The following C19orf18 variants were observed in gnomAD, a reference collection of about 807,000 sequenced individuals.
C19orf18 encodes the protein uncharacterized protein C19orf18.
A neutral mutation model predicts 23.3 loss-of-function variants in C19orf18; 21 were observed. The ratio of observed to expected loss-of-function variants is 0.90; its 90% confidence interval spans 0.64 to 1.30. The LOEUF is 1.30. Among genes scored for constraint, C19orf18 ranks in the 50% most tolerant of loss-of-function variants. C19orf18 has a pLI of 0.00. For synonymous variants in C19orf18, 96 were observed against 95.2 expected, an observed-to-expected ratio of 1.01 and a Z score of -0.05; for missense variants, 249 against 259.6, an observed-to-expected ratio of 0.96 and a Z score of 0.28.
At chr19:57,964,530 C>T (rs2072895479) in intron 4 of C19orf18, among the ~76,000 whole-genome samples, 1 of 152,222 alleles carries the variant, frequency 6.6e-6, no homozygotes, top group Non-Finnish European at 1.5e-5. Flanking sequence ...GATCCACCCG[C>T]CTCGGCCTCC....
chr19:57,972,895 G>A (rs2072954605), intron 2 of C19orf18, among the ~76,000 whole-genome samples: 1 of 152,106 alleles, frequency 6.6e-6, no homozygotes, highest in Non-Finnish European at 1.5e-5. Context: ...GGGCACAGTG[G>A]CTCATGCCTG....
At chr19:57,959,794 CAAAAA>C (rs35485603) in intron 5 of C19orf18, among the ~76,000 whole-genome samples, 2 of 99,298 alleles carry the variant, frequency 2.0e-5, no homozygotes, top group Non-Finnish European at 2.0e-5. Flanking sequence ...AACTCTGCCT[CAAAAA>C]AAAAAAAAAA....
rs1359294239 is a variant in C19orf18, at chr19:57,974,402, A to G, written c.31T>C (p.Leu11=). 6.2e-7 allele frequency: 1 copy of G among 1,614,106 alleles called. No individual in the cohort carries two copies. The highest frequency in any genetic ancestry group is 8.5e-7 in the Non-Finnish European group (1 of 1,179,994). Residue 11 remains leucine (L), a synonymous_variant, in exon 1 of 6, where the codon TTG becomes CTG. Coordinates refer to ENST00000314391, the MANE Select transcript of C19orf18 (RefSeq NM_152474.5). MDKVQSGFLI[L]FLFLMECQLH... ...TGGCATTCCATTAAAAACAAAAACA[A>G]AATGAGGAAACCACTCTGAACCTTG...
In C19orf18 at chr19:57,969,506, G is replaced by A. The variant is rs563078683; in HGVS notation, c.269-2874C>T. Among the ~76,000 whole-genome samples the A allele has an allele frequency of 2.8e-4, 38 of 136,918 alleles. 1 individual carries two copies. Among genetic ancestry groups the A allele is most frequent in the Non-Finnish European group, 5.1e-4 (33 of 65,274 alleles). 89.8% of individuals were successfully genotyped at this position (136,918 alleles called of 152,430 possible). ...GGAGGTGGAGGTTGCAGTGAGCCGC[G>A]ATGGCGCCATTGCACTCCAGCCTGG... On this transcript the variant is annotated intron_variant, in intron 3 of 5. Coordinates refer to ENST00000314391, the MANE Select transcript of C19orf18 (RefSeq NM_152474.5).
chr19:57,965,892 C>G (rs77607709), intron 4 of C19orf18, among the ~76,000 whole-genome samples: 8,135 of 151,800 alleles, frequency 0.054, 316 homozygotes, highest in Middle Eastern at 0.082. Context: ...AACCGTGTGT[C>G]TGTGTGTGTG....
At chr19:57,970,424 T>C (rs889546980) in intron 3 of C19orf18, among the ~76,000 whole-genome samples, 2 of 152,236 alleles carry the variant, frequency 1.3e-5, no homozygotes, top group Non-Finnish European at 2.9e-5. Context: ...TTGGAAATGC[T>C]GTCCCCATTA....
intron 5 of C19orf18, 152 bp downstream of exon 5, chr19:57,961,239 A>T: frequency 1.1e-6 from 1 of 942,818 alleles, no homozygotes; most frequent in Non-Finnish European, 1.5e-6. Flanking sequence ...CGTCTTAAAA[A>T]AAAAATGAAA....
At chr19:57,963,672 G>A (rs955291532) in intron 4 of C19orf18, among the ~76,000 whole-genome samples, 4 of 152,060 alleles carry the variant, frequency 2.6e-5, no homozygotes, top group African/African-American at 9.7e-5. Context: ...CGGATCACGA[G>A]GTCAGGAGAT....
chr19:57,967,129 G>A lies in C19orf18; in HGVS notation c.269-497C>T, dbSNP rs375316151. Among the ~76,000 whole-genome samples, 18 of 151,872 alleles carry A rather than the reference G, an allele frequency of 1.2e-4. No individual in the cohort carries two copies. The East Asian group carries it at 2.5e-3, about 21-fold the overall frequency. On this transcript the variant is annotated intron_variant, in intron 3 of 5. Transcript: ENST00000314391. Reference sequence around the variant, plus strand: ...AAACTGAAACAGACCATTGGGGATTGGGCATCCAAGAGGTCACTAGAGACC... The same window carrying A: ...AAACTGAAACAGACCATTGGGGATTAGGCATCCAAGAGGTCACTAGAGACC...
At chr19:57,972,946 G>C (rs776077651) in intron 2 of C19orf18, among the ~76,000 whole-genome samples, 2 of 151,690 alleles carry the variant, frequency 1.3e-5, no homozygotes, top group Non-Finnish European at 1.5e-5. Flanking sequence ...TCAGGAGTTC[G>C]AGACCAGCCT....
At chr19:57,961,692 G>C (rs2072873167) in intron 4 of C19orf18, 141 bp from the exon 5 acceptor site, 1 of 888,780 alleles carries the variant, frequency 1.1e-6, no homozygotes, top group African/African-American at 1.7e-5. Flanking sequence ...ACTAATCATG[G>C]TCAGCTCTCA....
rs1244357393 is a variant in C19orf18 at position 57,961,463 on chromosome 19, A to G, written c.460T>C (p.Ser154Pro). The change falls in exon 5 of 6, where the codon TCA becomes CCA. Residue 154 changes from serine to proline, a missense_variant. Physicochemically the swap from Ser to Pro is moderately conservative, Grantham distance 74. Transcript: ENST00000314391. ...TGCGTGGACTCACCCTCGTCCTCTG[A>G]GCCCTCTTCTTCATCTCCTAATAAC... The part of the protein sequence containing the change: ...IPLLGDEEEG[S>P]EDEGESTHLL... 6.8e-6 allele frequency: 11 copies of G among 1,614,002 alleles called. No homozygotes were observed. Among genetic ancestry groups the G allele is most frequent in the African/African-American group, 1.3e-5 (1 of 74,898 alleles).
At chr19:57,970,796 G>T (rs1568568624) in intron 3 of C19orf18, among the ~76,000 whole-genome samples, 2 of 152,086 alleles carry the variant, frequency 1.3e-5, no homozygotes, top group Non-Finnish European at 1.5e-5. Context: ...CTGACCTCAG[G>T]TGATCTACCC....
At chr19:57,969,846 T>G (rs979211726) in intron 3 of C19orf18, among the ~76,000 whole-genome samples, 7 of 138,244 alleles carry the variant, frequency 5.1e-5, no homozygotes, top group African/African-American at 1.9e-4. Flanking sequence ...CACTCCAGGC[T>G]GGGCGACAAG....
intron 4 of C19orf18, among the ~76,000 whole-genome samples, chr19:57,964,388 C>G (rs1434145283): frequency 6.6e-6 from 1 of 152,194 alleles, no homozygotes; most frequent in Non-Finnish European, 1.5e-5. Context: ...CTCAAGCCAT[C>G]CTCCCACCTC....
chr19:57,972,181 G>A (rs935737926), intron 3 of C19orf18, among the ~76,000 whole-genome samples: 3 of 152,204 alleles, frequency 2.0e-5, no homozygotes, highest in Admixed American at 2.0e-4. Flanking sequence ...TGACAGGGCC[G>A]CTGTGTGTGC....
intron 4 of C19orf18, among the ~76,000 whole-genome samples, chr19:57,963,807 G>A (rs1230066740): frequency 1.3e-5 from 2 of 152,010 alleles, no homozygotes; most frequent in Non-Finnish European, 2.9e-5. Flanking sequence ...GGAGAATGGC[G>A]TGAACCTGGG....
intron 5 of C19orf18, among the ~76,000 whole-genome samples, chr19:57,961,169 A>G (rs560086130): frequency 1.3e-5 from 2 of 152,158 alleles, no homozygotes; most frequent in African/African-American, 4.8e-5. Context: ...TGGGAGGCGG[A>G]GCTTGCAGTG....
At chr19:57,969,554 T>TA (rs1231163401) in intron 3 of C19orf18, among the ~76,000 whole-genome samples, 109 of 44,988 alleles carry the variant, frequency 2.4e-3, no homozygotes, top group Non-Finnish European at 3.4e-3. Flanking sequence ...GACTCTGTCT[T>TA]AAAAAAAAAC....
Sources: gnomAD v4.1 joint callset for allele counts (sites outside exome capture counted in the v4.1 genomes callset) on GRCh38, gnomAD v4.1.1 for gene constraint, MANE v1.5 for transcripts, NCBI Gene and HGNC (gene_info 2026-07-23, HGNC 2026-07-21) for gene names.